WRNIP1: variants seen among roughly 807,000 people sequenced by gnomAD.
The protein encoded by WRNIP1 is ATPase WRNIP1.
WRNIP1 carries 41 observed loss-of-function variants against 56.1 expected under a neutral mutation model. The ratio of observed to expected loss-of-function variants is 0.73; its 90% confidence interval spans 0.57 to 0.95. The LOEUF (loss-of-function observed/expected upper bound fraction) is 0.95. Ranked by LOEUF, WRNIP1 falls within the 40% of genes least tolerant of loss-of-function variation. The probability of loss-of-function intolerance (pLI) is 0.00; values close to 1 mark genes in which losing one functional copy is unlikely to be tolerated. For missense variants in WRNIP1, 1,170 were observed against 939.4 expected, an observed-to-expected ratio of 1.25 and a Z score of -3.21; for synonymous variants, 547 against 398.1, an observed-to-expected ratio of 1.37 and a Z score of -4.45.
chr6:2,784,471 T>G (rs1765660451), intron 6 of WRNIP1, 68 bp downstream of exon 6: 4 of 1,505,776 alleles, frequency 2.7e-6, no homozygotes, highest in Middle Eastern at 1.7e-4. Flanking sequence ...CTTTGTAGAT[T>G]TGAATAAATG....
At chr6:2,778,112 G>A (rs955752506) in intron 3 of WRNIP1, among the ~76,000 whole-genome samples, 6 of 152,206 alleles carry the variant, frequency 3.9e-5, no homozygotes, top group Non-Finnish European at 8.8e-5. Context: ...GTGTCAGTGA[G>A]TGGGTGTATG....
At chr6:2,773,396 C>T in intron 3 of WRNIP1, 1 of 985,340 alleles carries the variant, frequency 1.0e-6, no homozygotes, top group Non-Finnish European at 1.2e-6. Context: ...TATGTGAAAT[C>T]CAGTATTTCA....
In WRNIP1 at chr6:2,783,557, C is replaced by T. The variant is rs1358333285; in HGVS notation, c.1638C>T (p.Asp546=). The T allele has an allele frequency of 1.3e-6, 2 of 1,574,878 alleles. No individual in the cohort carries two copies. Among genetic ancestry groups the T allele is most frequent in the Non-Finnish European group, 1.7e-6 (2 of 1,158,906 alleles). ...GGCTTGTCAGGTTTGCCAGCGAGGA[C>T]ATAGGTGAGTGTGATGGGAGGGTCC... The part of the protein sequence containing the change: ...ARRLVRFASE[D]IGLADPSALT... Residue 546 remains aspartate, a synonymous_variant, in exon 5 of 7, where the codon GAC becomes GAT. Transcript: ENST00000380773.
rs557892032 is a variant in WRNIP1 at position 2,786,778 on chromosome 6, A to G, written c.*1496A>G. 2.0e-5 allele frequency: 3 copies of G among 152,266 alleles called. No individual in the cohort carries two copies. The East Asian group carries it at 5.8e-4, about 29-fold the overall frequency. 9.4% of individuals were successfully genotyped at this position (152,266 alleles called of 1,614,324 possible). A position where few individuals can be genotyped will look rare whatever the true frequency, so the allele number is the denominator to read the frequency against. ...GTGTGGTCTTTTGTTTGTAACCTCTATCAACTTGTAGACTCTTCTGTCTTT... is the reference window on the plus strand; with the variant it reads ...GTGTGGTCTTTTGTTTGTAACCTCTGTCAACTTGTAGACTCTTCTGTCTTT... On this transcript the variant is annotated 3_prime_UTR_variant, in exon 7 of 7. Coordinates refer to ENST00000380773, the MANE Select transcript of WRNIP1 (RefSeq NM_020135.3).
chr6:2,765,741 T>C lies in WRNIP1; in HGVS notation c.119T>C (p.Leu40Pro). Residue 40 changes from leucine (L) to proline (P), a missense_variant, in exon 1 of 7, where the codon CTG becomes CCG. Leu to Pro is a moderately conservative substitution (Grantham distance 98). Coordinates refer to ENST00000380773, the MANE Select transcript of WRNIP1 (RefSeq NM_020135.3). ...AHINSHLDRC[L>P]LLHPAGHAEP... Reference sequence around the variant, plus strand: ...ATCAACTCGCACCTGGACCGCTGTCTGCTGCTCCACCCGGCGGGGCACGCG... The same window carrying C: ...ATCAACTCGCACCTGGACCGCTGTCCGCTGCTCCACCCGGCGGGGCACGCG... The C allele has an allele frequency of 6.6e-7, 1 of 1,515,184 alleles. No homozygotes were observed. 93.9% of individuals were successfully genotyped at this position (1,515,184 alleles called of 1,614,324 possible).
intron 5 of WRNIP1, 34 bp downstream of exon 5, chr6:2,783,595 T>G: frequency 7.5e-7 from 1 of 1,334,486 alleles, no homozygotes. Context: ...GAGTCCTATG[T>G]CCATGAGGGT....
At position 2,765,441 on chromosome 6, in the gene WRNIP1, C is replaced by T. The variant is rs1014456167; in HGVS notation, c.-182C>T. On this transcript the variant is annotated 5_prime_UTR_variant, in exon 1 of 7. Transcript: ENST00000380773. ...GGCGCTGCCAGCGGCCGGCCGAGGG[C>T]GGGCGGACGCGGGAGCTGCGGACGT... 1.9e-4 allele frequency: 125 copies of T among 659,764 alleles called. No individual in the cohort carries two copies. Among genetic ancestry groups the T allele is most frequent in the African/African-American group, 1.5e-3 (81 of 52,468 alleles). The allele number at this position is 659,764 out of a possible 1,614,324, so 40.9% of individuals were successfully genotyped here.
chr6:2,778,983 G>A (rs1040504948), intron 3 of WRNIP1, among the ~76,000 whole-genome samples: 6 of 152,196 alleles, frequency 3.9e-5, no homozygotes, highest in Non-Finnish European at 7.3e-5. Flanking sequence ...TGACTTTCCA[G>A]GCCAGTCAGT....
intron 2 of WRNIP1, among the ~76,000 whole-genome samples, 153 bp downstream of exon 2, chr6:2,769,035 C>T (rs1165427548): frequency 6.6e-6 from 1 of 152,208 alleles, no homozygotes; most frequent in African/African-American, 2.4e-5. Context: ...TTTCTCCATA[C>T]ATTTCTTAGT....
chr6:2,768,927 CAATAT>C, intron 2 of WRNIP1, 45 bp downstream of exon 2: 1 of 1,550,096 alleles, frequency 6.5e-7, no homozygotes, highest in South Asian at 1.2e-5. Context: ...GAACATCAAA[CAATAT>C]AAAGTGTGTG....
Position 2,766,431 on chromosome 6 carries a change from C to T in WRNIP1, c.809C>T (p.Pro270Leu), listed in dbSNP as rs772989548. ...EIPSLILWGP[P>L]GCGKTTLAHI... ...CCCTCGCTTATCCTGTGGGGGCCGC[C>T]GGGCTGCGGCAAGGTGAGTGCGGCC... The change falls in exon 1 of 7, where the codon CCG (proline) becomes CTG (leucine). Residue 270 changes from proline (P) to leucine (L), a missense_variant. Pro to Leu is a moderately conservative substitution (Grantham distance 98). Coordinates refer to ENST00000380773, the MANE Select transcript of WRNIP1 (RefSeq NM_020135.3). 4 of 1,564,150 alleles carry T rather than the reference C, an allele frequency of 2.6e-6. No homozygotes were observed. Among genetic ancestry groups the T allele is most frequent in the Non-Finnish European group, 3.5e-6 (4 of 1,149,600 alleles).
rs1003473802 is a variant in WRNIP1, at chr6:2,785,723, G to T, written c.*441G>T. On this transcript the variant is annotated 3_prime_UTR_variant, in exon 7 of 7. Transcript: ENST00000380773. ...TTTTTTATATGCAAAGGTCTTACGA[G>T]CCAATAAAACTATTTCAAAGTACTC... 1 of 163,364 alleles carries T rather than the reference G, an allele frequency of 6.1e-6. No individual in the cohort carries two copies. Among genetic ancestry groups the T allele is most frequent in the African/African-American group, 2.4e-5 (1 of 41,506 alleles). The allele number at this position is 163,364 out of a possible 1,614,324, so 10.1% of individuals were successfully genotyped here.
In WRNIP1 at chr6:2,786,659, G is replaced by A. The variant is rs1186135178; in HGVS notation, c.*1377G>A. Reference sequence around the variant, plus strand: ...TTATTGTACCTTCAGACGTGTCTGAGGGTTTGGCTAGTAATAAATTGTAGG... The same window carrying A: ...TTATTGTACCTTCAGACGTGTCTGAAGGTTTGGCTAGTAATAAATTGTAGG... On this transcript the variant is annotated 3_prime_UTR_variant, in exon 7 of 7. Transcript: ENST00000380773. 2 of 149,474 alleles carry A rather than the reference G, an allele frequency of 1.3e-5. No homozygotes were observed. Among genetic ancestry groups the A allele is most frequent in the African/African-American group, 2.4e-5 (1 of 41,336 alleles). The allele number at this position is 149,474 out of a possible 1,614,324, so 9.3% of individuals were successfully genotyped here. A position where few individuals can be genotyped will look rare whatever the true frequency, so the allele number is the denominator to read the frequency against.
At position 2,765,901 on chromosome 6, in the gene WRNIP1, G is replaced by A; in HGVS notation, c.279G>A (p.Glu93=). The A allele has an allele frequency of 6.9e-7, 1 of 1,456,998 alleles. No individual in the cohort carries two copies. The highest frequency in any genetic ancestry group is 1.3e-5 in the South Asian group (1 of 76,170). The allele number at this position is 1,456,998 out of a possible 1,614,324, so 90.3% of individuals were successfully genotyped here. Residue 93 remains glutamate (E), a synonymous_variant, in exon 1 of 7, where the codon GAG becomes GAA. Coordinates refer to ENST00000380773, the MANE Select transcript of WRNIP1 (RefSeq NM_020135.3). ...CCCCGACGGCAGCCGAGAGCAGCGA[G>A]GGCGAGGGTGAGGAGGGCGACGACG... ...PATPTAAESS[E]GEGEEGDDGG... is the part of the protein sequence containing the mutation.
At chr6:2,771,082 C>T (rs1164190408) in intron 3 of WRNIP1, among the ~76,000 whole-genome samples, 1 of 152,034 alleles carries the variant, frequency 6.6e-6, no homozygotes, top group Non-Finnish European at 1.5e-5. Flanking sequence ...GGTATTTGTT[C>T]ATACGTTGGC....
intron 6 of WRNIP1, 102 bp downstream of exon 6, chr6:2,784,505 T>C (rs889345615): frequency 6.7e-6 from 8 of 1,192,220 alleles, no homozygotes; most frequent in Non-Finnish European, 9.6e-6. Flanking sequence ...ATTGGTGTAT[T>C]GGACCCACTG....
At chr6:2,774,150 T>A (rs1458532421) in intron 3 of WRNIP1, 1 of 985,100 alleles carries the variant, frequency 1.0e-6, no homozygotes, top group East Asian at 1.1e-4. Flanking sequence ...TCTTTTTATT[T>A]AAAAATTTTT....
chr6:2,767,904 G>A (rs1243331180), intron 1 of WRNIP1, among the ~76,000 whole-genome samples: 2 of 152,216 alleles, frequency 1.3e-5, no homozygotes, highest in African/African-American at 2.4e-5. Context: ...GAAAGAAGCA[G>A]CCACAGAATG....
chr6:2,768,873 A>G lies in WRNIP1; in HGVS notation c.1005A>G (p.Lys335=). Reference sequence around the variant, plus strand: ...TTGATGAGATTCATCGGTTCAATAAATCTCAGCAGGTATATTAACTTCCTT... The same window carrying G: ...TTGATGAGATTCATCGGTTCAATAAGTCTCAGCAGGTATATTAACTTCCTT... ...LFIDEIHRFN[K]SQQDTFLPHV... The change falls in exon 2 of 7, where the codon AAA becomes AAG. Residue 335 remains lysine, a synonymous_variant. Coordinates refer to ENST00000380773, the MANE Select transcript of WRNIP1 (RefSeq NM_020135.3). 1 of 1,609,956 alleles carries G rather than the reference A, an allele frequency of 6.2e-7. No individual in the cohort carries two copies. Among genetic ancestry groups the G allele is most frequent in the Non-Finnish European group, 8.5e-7 (1 of 1,178,162 alleles).
Sources: gnomAD v4.1 joint callset for allele counts (sites outside exome capture counted in the v4.1 genomes callset) on GRCh38, gnomAD v4.1.1 for gene constraint, MANE v1.5 for transcripts, NCBI Gene and HGNC (gene_info 2026-07-23, HGNC 2026-07-21) for gene names.